LIMD1: variants seen among roughly 807,000 people sequenced by gnomAD.
The protein encoded by LIMD1 is LIM domain-containing protein 1.
LIMD1 carries 23 observed loss-of-function variants against 58.4 expected under a neutral mutation model. The ratio of observed to expected loss-of-function variants is 0.39; its 90% CI spans 0.28 to 0.56. The LOEUF is 0.56. Among genes scored for constraint, LIMD1 ranks in the 20% least tolerant of loss-of-function variants. The pLI, the probability that LIMD1 is intolerant of heterozygous loss-of-function variation, is 0.57. For synonymous variants in LIMD1, 334 were observed against 345.5 expected (o/e 0.97, Z 0.37); for missense variants, 838 against 855.5 (o/e 0.98, Z 0.25).
chr3:45,643,126 A>C (rs1470796697), intron 2 of LIMD1, among the ~76,000 whole-genome samples: 2 of 152,228 alleles, frequency 1.3e-5, no homozygotes, highest in African/African-American at 4.8e-5. Context: ...CCTCAGAAGC[A>C]GCAGCATGAG....
At chr3:45,672,906 T>C in intron 5 of LIMD1, 86 bp downstream of exon 5, 1 of 1,517,374 alleles carries the variant, frequency 6.6e-7, no homozygotes, top group Non-Finnish European at 9.1e-7. Context: ...GACAAAACTG[T>C]GTTTGCCAGC....
rs1353007187 is a variant in LIMD1 at position 45,595,003 on chromosome 3, G to A, written c.124G>A (p.Glu42Lys). 3.7e-6 allele frequency: 6 copies of A among 1,613,940 alleles called. No homozygotes were observed. The Admixed American group carries it at 1.0e-4, about 27-fold the overall frequency. ...DKGAGNNPEF[E>K]ETRRVFATKM... ...GGGTGCAGGCAACAACCCCGAGTTT[G>A]AGGAAACTCGCAGGGTGTTCGCCAC... The change falls in exon 1 of 8, where the codon GAG becomes AAG. Residue 42 changes from glutamate to lysine, a missense_variant. Around this residue, in one of 3 missense-constraint regions of LIMD1, gnomAD observed 659 missense variants for 639.8 expected, o/e 1.03. Coordinates refer to ENST00000273317, the MANE Select transcript of LIMD1 (RefSeq NM_014240.3).
intron 1 of LIMD1, among the ~76,000 whole-genome samples, chr3:45,606,785 AT>A (rs1438512555): frequency 1.6e-4 from 24 of 152,110 alleles, no homozygotes; most frequent in African/African-American, 5.8e-4. Context: ...CTTGAACCAA[AT>A]TTTGTTTTGT....
rs566462771 is a variant in LIMD1 at position 45,594,841 on chromosome 3, A to G, written c.-39A>G. 38 of 1,307,368 alleles carry G rather than the reference A, an allele frequency of 2.9e-5. 3 individuals carry two copies. Among genetic ancestry groups the G allele is most frequent in the African/African-American group, 9.6e-5 (6 of 62,182 alleles). The allele number at this position is 1,307,368 out of a possible 1,614,324, so 81.0% of individuals were successfully genotyped here. ...CACACACACACACACACACACACAC[A>G]CACGGCACCTGGGCTAGGCCCGGAC... On this transcript the variant is annotated 5_prime_UTR_variant, in exon 1 of 8. Transcript: ENST00000273317.
intron 1 of LIMD1, among the ~76,000 whole-genome samples, chr3:45,623,702 G>A (rs4682791): frequency 0.7 from 106,676 of 151,940 alleles, 39,088 homozygotes; most frequent in East Asian, 0.95. Flanking sequence ...CGTGAGAGCT[G>A]CAGAGTGTGT....
chr3:45,654,812 C>CAAAAA (rs1227980901), intron 2 of LIMD1, among the ~76,000 whole-genome samples: 5 of 56,496 alleles, frequency 8.9e-5, no homozygotes, highest in African/African-American at 1.2e-4. Context: ...GACCCTGTCT[C>CAAAAA]AAAAAAAAAA....
intron 1 of LIMD1, among the ~76,000 whole-genome samples, chr3:45,630,332 G>A (rs1701714799): frequency 6.6e-6 from 1 of 152,200 alleles, no homozygotes. Context: ...GTGGTGGCAG[G>A]GTCTGGTTTC....
chr3:45,598,957 T>C (rs1021452715), intron 1 of LIMD1, among the ~76,000 whole-genome samples: 2 of 152,138 alleles, frequency 1.3e-5, no homozygotes, highest in African/African-American at 2.4e-5. Context: ...ATGCCCATTT[T>C]ACTGATGAGA....
intron 1 of LIMD1, among the ~76,000 whole-genome samples, chr3:45,597,625 T>A (rs1302857381): frequency 6.6e-6 from 1 of 152,184 alleles, no homozygotes; most frequent in Non-Finnish European, 1.5e-5. Flanking sequence ...GGGGTTTTTC[T>A]TTTTCAGTTT....
chr3:45,683,320 C>T lies in LIMD1; in HGVS notation c.*6261C>T, dbSNP rs1697767246. ...GCCAATTCAGGCTGACTTCCTAGAACTAAGTCAAAAGGAAAACCCCAACTT... is the reference window on the plus strand; with the variant it reads ...GCCAATTCAGGCTGACTTCCTAGAATTAAGTCAAAAGGAAAACCCCAACTT... On this transcript the variant is annotated 3_prime_UTR_variant, in exon 8 of 8. Coordinates refer to ENST00000273317, the MANE Select transcript of LIMD1 (RefSeq NM_014240.3). 1 of 152,178 alleles carries T rather than the reference C, an allele frequency of 6.6e-6. No individual in the cohort carries two copies. The highest frequency in any genetic ancestry group is 2.4e-5 in the African/African-American group (1 of 41,432). The allele number at this position is 152,178 out of a possible 1,614,324, so 9.4% of individuals were successfully genotyped here.
chr3:45,596,324 C>T lies in LIMD1; in HGVS notation c.1408+37C>T, dbSNP rs372738561. 321 of 1,508,586 alleles carry T rather than the reference C, an allele frequency of 2.1e-4. 1 individual carries two copies. The highest frequency in any genetic ancestry group is 3.6e-4 in the South Asian group (29 of 81,176). 93.5% of individuals were successfully genotyped at this position (1,508,586 alleles called of 1,614,324 possible). ...GCTGGTGGAGTTGCCTATGGTGGGG[C>T]GATGGGGTTCTTGAGATTGGGGAAC... On this transcript the variant is annotated intron_variant, in intron 1 of 7. Coordinates refer to ENST00000273317, the MANE Select transcript of LIMD1 (RefSeq NM_014240.3).
intron 2 of LIMD1, among the ~76,000 whole-genome samples, chr3:45,649,759 T>A (rs1039652342): frequency 4.1e-5 from 6 of 146,134 alleles, no homozygotes; most frequent in African/African-American, 5.0e-5. Flanking sequence ...ATTATATATT[T>A]TATATATATA....
chr3:45,664,238 T>G (rs904310312), intron 2 of LIMD1, among the ~76,000 whole-genome samples: 5 of 152,140 alleles, frequency 3.3e-5, no homozygotes, highest in African/African-American at 7.2e-5. Flanking sequence ...ACTCCTGACC[T>G]CAAGTGATCC....
rs142826719 is a variant in LIMD1, at chr3:45,595,906, T to A, written c.1027T>A (p.Ser343Thr). ...PQPWFQDGPK[S>T]YLSSSAPSSS... ...ACCCTGGTTCCAGGATGGGCCCAAA[T>A]CTTACCTTTCCAGTTCTGCCCCGTC... The change falls in exon 1 of 8, where the codon TCT becomes ACT. Residue 343 changes from serine to threonine, a missense_variant. Physicochemically the swap from Ser to Thr is moderately conservative, Grantham distance 58 (BLOSUM62 1). Coordinates refer to ENST00000273317, the MANE Select transcript of LIMD1 (RefSeq NM_014240.3). 1,608 of 1,614,166 alleles carry A rather than the reference T, an allele frequency of 1.0e-3. 2 individuals are homozygous for A. Among genetic ancestry groups the A allele is most frequent in the Non-Finnish European group, 1.3e-3 (1,511 of 1,180,018 alleles).
At chr3:45,601,463 G>A (rs988272772) in intron 1 of LIMD1, among the ~76,000 whole-genome samples, 1 of 152,208 alleles carries the variant, frequency 6.6e-6, no homozygotes, top group Non-Finnish European at 1.5e-5. Flanking sequence ...CAGCAGCTGT[G>A]CCCTCCCCTG....
At chr3:45,613,818 C>T (rs1242564917) in intron 1 of LIMD1, among the ~76,000 whole-genome samples, 4 of 152,092 alleles carry the variant, frequency 2.6e-5, no homozygotes, top group Non-Finnish European at 5.9e-5. Context: ...TTTGTATAGA[C>T]ACAGGCTTTC....
chr3:45,673,241 A>G (rs991228612), intron 5 of LIMD1, among the ~76,000 whole-genome samples: 2 of 152,080 alleles, frequency 1.3e-5, no homozygotes, highest in Non-Finnish European at 2.9e-5. Flanking sequence ...TCCCCAGAAG[A>G]GTGAGAGGCA....
At chr3:45,614,003 C>A (rs1701553487) in intron 1 of LIMD1, among the ~76,000 whole-genome samples, 1 of 151,984 alleles carries the variant, frequency 6.6e-6, no homozygotes, top group South Asian at 2.1e-4. Context: ...TCTTGGGGGC[C>A]CTGCTTTACT....
chr3:45,656,011 A>AT (rs1702023311), intron 2 of LIMD1, among the ~76,000 whole-genome samples: 1 of 152,164 alleles, frequency 6.6e-6, no homozygotes, highest in African/African-American at 2.4e-5. Context: ...TTGGGAGGTG[A>AT]TTAAGTTATG....
Sources: allele counts gnomAD v4.1 joint callset (sites outside exome capture counted in the v4.1 genomes callset), GRCh38; gene constraint gnomAD v4.1.1; regional missense constraint gnomAD v4.1.1; transcripts MANE v1.5; gene names NCBI Gene and HGNC (gene_info 2026-07-23, HGNC 2026-07-21).